The following ST3GAL3 variants were observed in gnomAD, a reference collection of about 807,000 sequenced individuals.
ST3GAL3 encodes CMP-N-acetylneuraminate-beta-1,4-galactoside alpha-2,3-sialyltransferase.
Under a neutral mutation model 50.1 loss-of-function variants are expected in ST3GAL3, and 21 were observed. The ratio of observed to expected loss-of-function variants is 0.42; its 90% CI spans 0.30 to 0.60. The LOEUF is 0.60. ST3GAL3 is among the 20% of genes least tolerant of loss of function. The probability of loss-of-function intolerance (pLI) is 0.19; values close to 1 mark genes in which losing one functional copy is unlikely to be tolerated. For missense variants in ST3GAL3, 353 were observed against 489.4 expected, an observed-to-expected ratio of 0.72 and a Z score of 2.63; for synonymous variants, 183 against 190.0, an observed-to-expected ratio of 0.96 and a Z score of 0.30.
chr1:43,756,068 T>C (rs1360634084), intron 2 of ST3GAL3, among the ~76,000 whole-genome samples: 1 of 121,944 alleles, frequency 8.2e-6, no homozygotes, highest in Non-Finnish European at 1.6e-5. Context: ...ACTATTGTAC[T>C]CTAACCTGGT....
chr1:43,856,872 G>A (rs752984853), intron 5 of ST3GAL3, among the ~76,000 whole-genome samples: 4 of 151,986 alleles, frequency 2.6e-5, no homozygotes, highest in East Asian at 1.9e-4. Flanking sequence ...GGTATACCCC[G>A]TCTCTTTCCT....
intron 6 of ST3GAL3, among the ~76,000 whole-genome samples, 200 bp from the exon 7 acceptor site, chr1:43,898,035 C>A (rs1220276900): frequency 6.6e-6 from 1 of 152,180 alleles, no homozygotes; most frequent in African/African-American, 2.4e-5. Flanking sequence ...AGTGATATGC[C>A]TGTCTGTTTC....
chr1:43,784,423 C>T (rs1446855888), intron 2 of ST3GAL3, among the ~76,000 whole-genome samples: 2 of 152,104 alleles, frequency 1.3e-5, no homozygotes, highest in Admixed American at 6.5e-5. Flanking sequence ...GCAGGAGAAT[C>T]GCTTGAACCT....
At chr1:43,742,390 A>G (rs915310567) in intron 2 of ST3GAL3, among the ~76,000 whole-genome samples, 2 of 152,182 alleles carry the variant, frequency 1.3e-5, no homozygotes, top group African/African-American at 2.4e-5. Flanking sequence ...CAAAAATGCC[A>G]TGGGCTTTCC....
intron 3 of ST3GAL3, among the ~76,000 whole-genome samples, chr1:43,803,729 C>A (rs1339556002): frequency 1.3e-5 from 2 of 152,178 alleles, no homozygotes; most frequent in Non-Finnish European, 2.9e-5. Context: ...CTGACTTATT[C>A]CTTTAAGGCG....
intron 2 of ST3GAL3, among the ~76,000 whole-genome samples, chr1:43,761,676 C>T (rs925253076): frequency 2.6e-5 from 4 of 151,652 alleles, no homozygotes; most frequent in Admixed American, 1.3e-4. Context: ...CTGGGCCGGG[C>T]GCGGTGGCTC....
At chr1:43,710,492 A>G (rs1432438836) in intron 1 of ST3GAL3, among the ~76,000 whole-genome samples, 2 of 152,016 alleles carry the variant, frequency 1.3e-5, no homozygotes, top group African/African-American at 2.4e-5. Flanking sequence ...TCCATCCATC[A>G]TGTGTATTGC....
At chr1:43,830,738 A>T (rs539319338) in intron 4 of ST3GAL3, among the ~76,000 whole-genome samples, 1 of 152,230 alleles carries the variant, frequency 6.6e-6, no homozygotes, top group African/African-American at 2.4e-5. Flanking sequence ...TCCTGCACAT[A>T]GATGATGGAA....
chr1:43,738,978 C>T (rs1679685984), intron 2 of ST3GAL3: 1 of 152,180 alleles, frequency 6.6e-6, no homozygotes, highest in African/African-American at 2.4e-5. Context: ...CTCGGAATCT[C>T]ATTTGATCCT....
chr1:43,714,432 CAAAAAAAAA>C (rs35400929), intron 1 of ST3GAL3, among the ~76,000 whole-genome samples: 1 of 73,742 alleles, frequency 1.4e-5, no homozygotes, highest in Non-Finnish European at 2.4e-5. Context: ...TACTAAAATA[CAAAAAAAAA>C]AAAAAAAAAA....
intron 1 of ST3GAL3, among the ~76,000 whole-genome samples, chr1:43,711,706 C>T (rs750471680): frequency 1.5e-4 from 23 of 152,220 alleles, no homozygotes; most frequent in Non-Finnish European, 2.1e-4. Flanking sequence ...CAAGGGCAAT[C>T]TGTTACATCC....
chr1:43,734,236 C>G (rs1454964129), intron 1 of ST3GAL3, among the ~76,000 whole-genome samples: 1 of 150,994 alleles, frequency 6.6e-6, no homozygotes, highest in African/African-American at 2.4e-5. Context: ...TTGTTGCCAT[C>G]ATGAATGGAA....
chr1:43,836,508 C>CACTA (rs1404126350), intron 4 of ST3GAL3, among the ~76,000 whole-genome samples: 10 of 152,256 alleles, frequency 6.6e-5, no homozygotes, highest in Non-Finnish European at 1.2e-4. Flanking sequence ...ACATGACACA[C>CACTA]ACTAGGCAGT....
intron 2 of ST3GAL3, among the ~76,000 whole-genome samples, chr1:43,756,335 C>T (rs776880753): frequency 2.0e-5 from 3 of 151,880 alleles, no homozygotes; most frequent in Non-Finnish European, 2.9e-5. Context: ...GGATTGCAAA[C>T]GGACACAAAA....
chr1:43,795,772 C>T (rs1436822039), intron 3 of ST3GAL3, among the ~76,000 whole-genome samples: 2 of 152,144 alleles, frequency 1.3e-5, no homozygotes, highest in African/African-American at 4.8e-5. Context: ...AAGGCCTGTT[C>T]AGAATGCATT....
chr1:43,776,228 G>A (rs1697189137), intron 2 of ST3GAL3, among the ~76,000 whole-genome samples: 1 of 152,042 alleles, frequency 6.6e-6, no homozygotes, highest in South Asian at 2.1e-4. Context: ...TCAGTCACCC[G>A]TATCCCTAGG....
intron 6 of ST3GAL3, among the ~76,000 whole-genome samples, chr1:43,897,871 A>G (rs932788528): frequency 1.6e-4 from 24 of 152,188 alleles, no homozygotes; most frequent in African/African-American, 5.5e-4. Context: ...AGGTACTCCC[A>G]TTCCAGGGAG....
chr1:43,914,559 C>T (rs1353484899), intron 9 of ST3GAL3: 2 of 152,196 alleles, frequency 1.3e-5, no homozygotes, highest in African/African-American at 4.8e-5. Context: ...TTGAACGTAT[C>T]GTGTCGTATC....
At chr1:43,845,345 A>G (rs1006204192) in intron 5 of ST3GAL3, among the ~76,000 whole-genome samples, 8 of 151,798 alleles carry the variant, frequency 5.3e-5, no homozygotes, top group African/African-American at 1.5e-4. Context: ...GAGTTATTCA[A>G]GTTTTTCTGT....
Sources: gnomAD v4.1 joint callset for allele counts (sites outside exome capture counted in the v4.1 genomes callset) on GRCh38, gnomAD v4.1.1 for gene constraint, MANE v1.5 for transcripts, NCBI Gene and HGNC (gene_info 2026-07-23, HGNC 2026-07-21) for gene names.